The following UGT1A10 variants were observed in gnomAD, a reference collection of about 807,000 sequenced individuals.
UGT1A10 encodes UDP glucuronosyltransferase family 1 member A10.
A neutral mutation model predicts 45.8 loss-of-function variants in UGT1A10; 49 were observed. The observed-to-expected ratio is 1.07, with a 90% CI of 0.85 to 1.36. The LOEUF (loss-of-function observed/expected upper bound fraction) is 1.36. Among genes scored for constraint, UGT1A10 ranks in the 40% most tolerant of loss-of-function variants. The probability of loss-of-function intolerance (pLI) is 0.00; values close to 1 mark genes in which losing one functional copy is unlikely to be tolerated. For synonymous variants in UGT1A10, 284 were observed against 249.7 expected, an observed-to-expected ratio of 1.14 and a Z score of -1.29; for missense variants, 745 against 668.6, an observed-to-expected ratio of 1.11 and a Z score of -1.26.
intron 1 of UGT1A10, among the ~76,000 whole-genome samples, chr2:233,663,068 C>T (rs573405088): frequency 6.6e-6 from 1 of 152,274 alleles, no homozygotes; most frequent in South Asian, 2.1e-4. Flanking sequence ...ACCAACACCA[C>T]CATTCATCTG....
chr2:233,674,800 A>G (rs1252916082), intron 1 of UGT1A10, among the ~76,000 whole-genome samples: 2 of 152,206 alleles, frequency 1.3e-5, no homozygotes, highest in African/African-American at 4.8e-5. Context: ...GGAATTCAGA[A>G]CTCAAAGAAG....
Position 233,681,886 on chromosome 2 carries a change from A to G in UGT1A10, c.855+44509A>G, listed in dbSNP as rs542729995. ...TCTATCTGTACTTCTTCCACTTACT[A>G]TATTATAGGAGCTTAGAATCCCAGC... is the stretch of plus-strand genomic sequence containing the variant. On this transcript the variant is annotated intron_variant, in intron 1 of 4. Transcript: ENST00000344644. 3.2e-5 allele frequency: 51 copies of G among 1,576,500 alleles called. 1 individual carries two copies. The South Asian group carries it at 5.6e-4, about 17-fold the overall frequency.
chr2:233,691,612 C>T (rs547462198), intron 1 of UGT1A10: 261 of 985,514 alleles, frequency 2.6e-4, no homozygotes, highest in Non-Finnish European at 3.0e-4. Context: ...GCTCTGGGAC[C>T]GCCCTCAGCA....
rs28505045 is a variant in UGT1A10, at chr2:233,707,706, C to T, written c.856-59328C>T. On this transcript the variant is annotated intron_variant, in intron 1 of 4. Transcript: ENST00000344644. ...GGGCTTTGGGTTGTATCTAGCTTTT[C>T]ACTACTGTGAACAATGTTACAACGA... Among the ~76,000 whole-genome samples, 733 of 152,270 alleles carry T rather than the reference C, an allele frequency of 4.8e-3. 9 individuals are homozygous for T. The highest frequency in any genetic ancestry group is 0.017 in the African/African-American group (690 of 41,542).
In UGT1A10 at chr2:233,761,069, T is replaced by C. The variant is rs772142239; in HGVS notation, c.856-5965T>C. Reference sequence around the variant, plus strand: ...GTCTGGCTGTTTAGAAGTGACTTTGTGAAGGATTACCCTAGGCCCATCATG... The same window carrying C: ...GTCTGGCTGTTTAGAAGTGACTTTGCGAAGGATTACCCTAGGCCCATCATG... On this transcript the variant is annotated intron_variant, in intron 1 of 4. Coordinates refer to ENST00000344644, the MANE Select transcript of UGT1A10 (RefSeq NM_019075.4). 13 of 1,614,208 alleles carry C rather than the reference T, an allele frequency of 8.1e-6. No homozygotes were observed. In the East Asian group the frequency reaches 2.7e-4, roughly 33 times the overall value.
intron 1 of UGT1A10, chr2:233,682,150 T>A: frequency 6.2e-7 from 1 of 1,614,172 alleles, no homozygotes; most frequent in Non-Finnish European, 8.5e-7. Context: ...GATCACTGAA[T>A]TGCACAGTGA....
chr2:233,690,304 A>G (rs2074984159), intron 1 of UGT1A10, among the ~76,000 whole-genome samples: 1 of 152,144 alleles, frequency 6.6e-6, no homozygotes, highest in Admixed American at 6.5e-5. Flanking sequence ...TCCTGGCTCC[A>G]TTACTTATGG....
At chr2:233,688,275 G>A (rs1164670990) in intron 1 of UGT1A10, among the ~76,000 whole-genome samples, 1 of 152,188 alleles carries the variant, frequency 6.6e-6, no homozygotes, top group Non-Finnish European at 1.5e-5. Context: ...ATATTCCATT[G>A]TATGGATTTA....
At chr2:233,717,510 G>C (rs1057270188) in intron 1 of UGT1A10, among the ~76,000 whole-genome samples, 15 of 152,198 alleles carry the variant, frequency 9.9e-5, no homozygotes, top group African/African-American at 3.6e-4. Flanking sequence ...ATTTCTAATG[G>C]GAGTAACTTC....
At chr2:233,650,739 C>A (rs1298352370) in intron 1 of UGT1A10, among the ~76,000 whole-genome samples, 2 of 152,126 alleles carry the variant, frequency 1.3e-5, no homozygotes, top group African/African-American at 4.8e-5. Flanking sequence ...TTTTTTCCAA[C>A]TGATGTCCTA....
Position 233,636,776 on chromosome 2 carries a change from A to G in UGT1A10, c.254A>G (p.Asp85Gly), listed in dbSNP as rs745741448. 5 of 1,614,122 alleles carry G rather than the reference A, an allele frequency of 3.1e-6. No individual in the cohort carries two copies. In the South Asian group the frequency reaches 4.4e-5, roughly 14 times the overall value. ...KTYSTSYTLE[D>G]QNREFMVFAH... ...TACTCAACCTCGTACACTCTGGAAG[A>G]TCAGAACCGGGAATTCATGGTTTTC... The change falls in exon 1 of 5, where the codon GAT becomes GGT. Residue 85 changes from aspartate to glycine, a missense_variant. Physicochemically the swap from Asp to Gly is moderately conservative, Grantham distance 94. Transcript: ENST00000344644.
rs768029713 is a variant in UGT1A10 at position 233,637,314 on chromosome 2, C to T, written c.792C>T (p.Pro264=). The change falls in exon 1 of 5, where the codon CCC becomes CCT. Residue 264 remains proline (P), a synonymous_variant. Transcript: ENST00000344644. ...ACTTTGTTTTGGACTATCCCAAACC[C>T]GTGATGCCCAACATGATCTTCATTG... The part of the protein sequence containing the change: ...RTDFVLDYPK[P]VMPNMIFIGG... 6.2e-6 allele frequency: 10 copies of T among 1,613,918 alleles called. No homozygotes were observed. Among genetic ancestry groups the T allele is most frequent in the South Asian group, 4.4e-5 (4 of 91,070 alleles).
At chr2:233,677,408 T>C (rs1334308913) in intron 1 of UGT1A10, among the ~76,000 whole-genome samples, 1 of 152,188 alleles carries the variant, frequency 6.6e-6, no homozygotes, top group African/African-American at 2.4e-5. Flanking sequence ...CTTTTGATTC[T>C]CCAAAAACTT....
At position 233,772,407 on chromosome 2, in the gene UGT1A10, T is replaced by C. The variant is rs770903084; in HGVS notation, c.1441T>C (p.Tyr481His). The C allele has an allele frequency of 7.5e-5, 121 of 1,614,104 alleles. No individual in the cohort carries two copies. Among genetic ancestry groups the C allele is most frequent in the Non-Finnish European group, 9.9e-5 (117 of 1,180,046 alleles). ...CCCCGCAGCCCACGACCTCACCTGG[T>C]ACCAGTACCATTCCTTGGACGTGAT... The part of the protein sequence containing the change: ...LRPAAHDLTW[Y>H]QYHSLDVIGF... Residue 481 changes from tyrosine to histidine, a missense_variant, in exon 5 of 5, where the codon TAC becomes CAC. Transcript: ENST00000344644.
At chr2:233,688,287 C>T (rs532357511) in intron 1 of UGT1A10, among the ~76,000 whole-genome samples, 13 of 152,254 alleles carry the variant, frequency 8.5e-5, no homozygotes, top group South Asian at 2.1e-4. Context: ...ATGGATTTAC[C>T]GCATTTTTTT....
chr2:233,730,011 C>T (rs762436427), intron 1 of UGT1A10: 31 of 1,613,760 alleles, frequency 1.9e-5, no homozygotes, highest in Non-Finnish European at 2.4e-5. Flanking sequence ...TTGGTGCCTT[C>T]ATCCAATCAA....
In UGT1A10 at chr2:233,725,076, A is replaced by C. The variant is rs376662690; in HGVS notation, c.856-41958A>C. ...GCGGCGCGCGCCTGCAATCGCAGGC[A>C]CTCGGCAGGCTGAGGCAGGAGAATC... On this transcript the variant is annotated intron_variant, in intron 1 of 4. Transcript: ENST00000344644. 3.9e-4 allele frequency among the ~76,000 whole-genome samples: 56 copies of C among 144,798 alleles called. 8 individuals are homozygous for C. In the East Asian group the frequency reaches 0.012, roughly 30 times the overall value. 95.0% of individuals were successfully genotyped at this position (144,798 alleles called of 152,430 possible).
At chr2:233,680,054 A>G (rs973243636) in intron 1 of UGT1A10, among the ~76,000 whole-genome samples, 47 of 150,760 alleles carry the variant, frequency 3.1e-4, no homozygotes, top group African/African-American at 1.0e-3. Context: ...TTCTTTTGCA[A>G]TGGTCCTTAT....
rs200710764 is a variant in UGT1A10, at chr2:233,747,984, C to T, written c.856-19050C>T. ...CAGCCATGCATCTGTGTGGCTGTTC[C>T]GAGGGGACTTTGTGATGGATTACCC... On this transcript the variant is annotated intron_variant, in intron 1 of 4. Transcript: ENST00000344644. 917 of 1,613,424 alleles carry T rather than the reference C, an allele frequency of 5.7e-4. 5 individuals carry two copies. The highest frequency in any genetic ancestry group is 6.2e-4 in the Non-Finnish European group (735 of 1,179,898).
Sources: allele counts gnomAD v4.1 joint callset (sites outside exome capture counted in the v4.1 genomes callset), GRCh38; gene constraint gnomAD v4.1.1; transcripts MANE v1.5; gene names NCBI Gene and HGNC (gene_info 2026-07-23, HGNC 2026-07-21).